NBAS: variants seen among roughly 807,000 people sequenced by gnomAD.
The protein encoded by NBAS is NAG/BC035112 fusion.
Under a neutral mutation model 302.5 loss-of-function variants are expected in NBAS, and 219 were observed. The observed-to-expected ratio is 0.72, with a 90% confidence interval of 0.65 to 0.81. NBAS has a LOEUF of 0.81. Ranked by LOEUF, NBAS falls within the 30% of genes least tolerant of loss-of-function variation. The probability of loss-of-function intolerance (pLI) is 0.00; values close to 1 mark genes in which losing one functional copy is unlikely to be tolerated. For synonymous variants in NBAS, 1,118 were observed against 1,021.6 expected (o/e 1.09, Z -1.80); for missense variants, 2,932 against 2,841.6 (o/e 1.03, Z -0.72).
intron 25 of NBAS, 43 bp from the exon 26 acceptor site, chr2:15,402,344 A>G: frequency 6.2e-7 from 1 of 1,602,010 alleles, no homozygotes; most frequent in Non-Finnish European, 8.5e-7. Flanking sequence ...CAACAGATTT[A>G]TAGTCAATTT....
the NBAS span, among the ~76,000 whole-genome samples, chr2:14,943,810 A>C: frequency 6.6e-6 from 1 of 152,152 alleles, no homozygotes; most frequent in African/African-American, 2.4e-5. Flanking sequence ...CTTCATGACT[A>C]TAACCTCAAA....
At chr2:14,972,505 C>G in the NBAS span, among the ~76,000 whole-genome samples, 2 of 152,250 alleles carry the variant, frequency 1.3e-5, no homozygotes, top group East Asian at 3.9e-4. Flanking sequence ...AGATCATACA[C>G]AAAGATTTCT....
chr2:14,893,985 G>A, the NBAS span, among the ~76,000 whole-genome samples: 2 of 152,112 alleles, frequency 1.3e-5, no homozygotes, highest in African/African-American at 4.8e-5. Flanking sequence ...CTTCCTGCTG[G>A]GATTGATACA....
intron 9 of NBAS, among the ~76,000 whole-genome samples, chr2:15,532,256 G>A (rs536111145): frequency 1.4e-4 from 21 of 152,096 alleles, no homozygotes; most frequent in Admixed American, 3.3e-4. Context: ...TTGGGAGGCC[G>A]AGGTGGGCGG....
chr2:15,054,783 C>A, the NBAS span, among the ~76,000 whole-genome samples: 1 of 152,162 alleles, frequency 6.6e-6, no homozygotes, highest in East Asian at 1.9e-4. Flanking sequence ...GGATATGTTT[C>A]CAGGGCATCT....
At chr2:14,936,165 A>G in the NBAS span, among the ~76,000 whole-genome samples, 1 of 152,196 alleles carries the variant, frequency 6.6e-6, no homozygotes, top group Non-Finnish European at 1.5e-5. Flanking sequence ...GTGCCACACC[A>G]TCACCAAAAC....
rs149760582 is a variant in NBAS, at chr2:15,511,306, G to A, written c.791C>T (p.Ser264Leu). 1.9e-6 allele frequency: 3 copies of A among 1,613,902 alleles called. No individual in the cohort carries two copies. Among genetic ancestry groups the A allele is most frequent in the African/African-American group, 1.3e-5 (1 of 74,888 alleles). Reference protein sequence around the residue: ...GGCETAEVGMSKASSCGLSAW... With the variant: ...GGCETAEVGMLKASSCGLSAW... ...AGAAAGGCCACAGCTAGAAGCTTTT[G>A]ACATGCCTACTTCAGCAGTTTCACA... The change falls in exon 10 of 52, where the codon TCA becomes TTA. Residue 264 changes from serine to leucine, a missense_variant. Physicochemically the swap from Ser to Leu is moderately radical, Grantham distance 145. Transcript: ENST00000281513.
At chr2:15,005,724 C>A in the NBAS span, among the ~76,000 whole-genome samples, 16 of 152,352 alleles carry the variant, frequency 1.1e-4, 1 homozygote, top group African/African-American at 3.6e-4. Context: ...TGACCCTAAA[C>A]AAGCCTCAGC....
chr2:15,325,782 A>T (rs1343874236), intron 38 of NBAS, among the ~76,000 whole-genome samples: 1 of 152,172 alleles, frequency 6.6e-6, no homozygotes, highest in Non-Finnish European at 1.5e-5. Context: ...CTGCATTCAC[A>T]ACTTGGCTAA....
the NBAS span, among the ~76,000 whole-genome samples, chr2:15,099,586 T>G: frequency 6.6e-6 from 1 of 151,838 alleles, no homozygotes; most frequent in East Asian, 1.9e-4. Flanking sequence ...CTTAAAAAAA[T>G]AAGACAGAAT....
intron 9 of NBAS, among the ~76,000 whole-genome samples, chr2:15,532,050 T>C (rs1375308503): frequency 6.6e-6 from 1 of 152,116 alleles, no homozygotes. Context: ...GAGTAGGAAA[T>C]CAATAAATGC....
At chr2:14,944,892 T>C in the NBAS span, among the ~76,000 whole-genome samples, 1 of 152,172 alleles carries the variant, frequency 6.6e-6, no homozygotes, top group African/African-American at 2.4e-5. Context: ...GAATCTCACT[T>C]TCCCCACTAT....
rs183252833 is a variant in NBAS at position 15,422,620 on chromosome 2, G to A, written c.2577+1695C>T. On this transcript the variant is annotated intron_variant, in intron 23 of 51. Transcript: ENST00000281513. ...TTTCTGTCACTAATTTTTTGAAACT[G>A]AATAATGTTTGAAATTTGGGTTACA... Among the ~76,000 whole-genome samples, 66 of 150,782 alleles carry A rather than the reference G, an allele frequency of 4.4e-4. No homozygotes were observed. In the Middle Eastern group the frequency reaches 0.01, roughly 24 times the overall value.
the NBAS span, among the ~76,000 whole-genome samples, chr2:15,043,173 A>G: frequency 6.6e-6 from 1 of 152,150 alleles, no homozygotes; most frequent in Non-Finnish European, 1.5e-5. Flanking sequence ...GTGAGGAGGC[A>G]GAGTAGGAGT....
chr2:15,235,374 C>T (rs1431495930), intron 45 of NBAS, among the ~76,000 whole-genome samples: 2 of 152,120 alleles, frequency 1.3e-5, no homozygotes, highest in Non-Finnish European at 2.9e-5. Context: ...ACACTGCCTG[C>T]CTCTCTTTGA....
At chr2:15,049,914 C>T in the NBAS span, among the ~76,000 whole-genome samples, 1 of 152,234 alleles carries the variant, frequency 6.6e-6, no homozygotes, top group African/African-American at 2.4e-5. Flanking sequence ...TCCAGGTGCG[C>T]ATGTCAAGCC....
the NBAS span, among the ~76,000 whole-genome samples, chr2:15,031,108 A>G: frequency 6.6e-6 from 1 of 152,246 alleles, no homozygotes; most frequent in South Asian, 2.1e-4. Flanking sequence ...TACAGAATGT[A>G]TAGTTCCTAT....
At chr2:14,961,040 A>G in the NBAS span, among the ~76,000 whole-genome samples, 10 of 152,070 alleles carry the variant, frequency 6.6e-5, no homozygotes, top group African/African-American at 2.2e-4. Context: ...GATGGAGAAG[A>G]CATTGTTCTC....
At chr2:15,506,266 T>C (rs927227487) in intron 10 of NBAS, among the ~76,000 whole-genome samples, 1 of 150,458 alleles carries the variant, frequency 6.6e-6, no homozygotes, top group Non-Finnish European at 1.5e-5. Context: ...AAAATAGAAA[T>C]AGAAAAAAAT....
Sources: gnomAD v4.1 joint callset for allele counts (sites outside exome capture counted in the v4.1 genomes callset) on GRCh38, gnomAD v4.1.1 for gene constraint, MANE v1.5 for transcripts, NCBI Gene and HGNC (gene_info 2026-07-23, HGNC 2026-07-21) for gene names.